The following TLL2 variants were observed in gnomAD, a reference collection of about 807,000 sequenced individuals.
The protein encoded by TLL2 is tolloid like 2, also known as tolloid-like protein 2.
TLL2 carries 106 observed loss-of-function variants against 123.0 expected under a neutral mutation model. That is an observed-to-expected ratio of 0.86 (90% CI 0.74 to 1.01). TLL2 has a LOEUF of 1.01. Among genes scored for constraint, TLL2 ranks in the 50% least tolerant of loss-of-function variants. TLL2 has a pLI of 0.00. For missense variants in TLL2, 1,332 were observed against 1,336.7 expected (o/e 1.00, Z 0.06); for synonymous variants, 494 against 516.8 (o/e 0.96, Z 0.60).
At chr10:96,385,994 G>A (rs1589408057) in intron 15 of TLL2, 61 bp downstream of exon 15, 2 of 1,443,256 alleles carry the variant, frequency 1.4e-6, no homozygotes. Context: ...CCCCTCACTG[G>A]TTTCCAGCTC....
At chr10:96,466,403 A>T (rs941186718) in intron 2 of TLL2, among the ~76,000 whole-genome samples, 10 of 152,358 alleles carry the variant, frequency 6.6e-5, no homozygotes, top group Admixed American at 5.2e-4. Flanking sequence ...AGACCTTGGT[A>T]TAAACAGCTC....
chr10:96,432,349 G>C (rs537191881), intron 4 of TLL2, among the ~76,000 whole-genome samples: 1 of 152,158 alleles, frequency 6.6e-6, no homozygotes, highest in African/African-American at 2.4e-5. Flanking sequence ...TTTGGACCCA[G>C]GGAGTCGAGC....
intron 1 of TLL2, among the ~76,000 whole-genome samples, chr10:96,499,330 C>T (rs768211979): frequency 5.9e-5 from 9 of 152,172 alleles, no homozygotes; most frequent in African/African-American, 1.9e-4. Flanking sequence ...AATTTCAGCC[C>T]GGGATGGGTG....
intron 1 of TLL2, among the ~76,000 whole-genome samples, chr10:96,495,300 T>C (rs1847460249): frequency 6.6e-6 from 1 of 152,144 alleles, no homozygotes; most frequent in Non-Finnish European, 1.5e-5. Flanking sequence ...ATGCATTTAG[T>C]TCATTGCAAG....
intron 3 of TLL2, among the ~76,000 whole-genome samples, chr10:96,441,809 G>A (rs1366028906): frequency 6.6e-6 from 1 of 152,140 alleles, no homozygotes; most frequent in Non-Finnish European, 1.5e-5. Flanking sequence ...AAGTTCGTGG[G>A]GCTCAGTTGT....
chr10:96,478,022 C>T (rs1272442983), intron 2 of TLL2, among the ~76,000 whole-genome samples: 1 of 152,218 alleles, frequency 6.6e-6, no homozygotes, highest in African/African-American at 2.4e-5. Flanking sequence ...GAAGACAGGC[C>T]TCCAAATTCT....
At chr10:96,463,023 A>G (rs749419256) in intron 2 of TLL2, among the ~76,000 whole-genome samples, 2 of 152,258 alleles carry the variant, frequency 1.3e-5, no homozygotes, top group African/African-American at 2.4e-5. Flanking sequence ...TGCTTTGCAC[A>G]TGTCTGTGAA....
intron 1 of TLL2, among the ~76,000 whole-genome samples, chr10:96,512,680 G>A (rs1219123263): frequency 6.6e-6 from 1 of 152,258 alleles, no homozygotes; most frequent in African/African-American, 2.4e-5. Context: ...GCACCCCTCT[G>A]TCCGTGCTGG....
chr10:96,513,597 G>T lies in TLL2; in HGVS notation c.89C>A (p.Pro30Gln). 6.2e-7 allele frequency: 1 copy of T among 1,605,794 alleles called. No homozygotes were observed. The highest frequency in any genetic ancestry group is 8.5e-7 in the Non-Finnish European group (1 of 1,178,988). The part of the protein sequence containing the change: ...PRGAGGLGER[P>Q]DATADYSELD... ...CTCTGAGTAGTCTGCGGTGGCGTCC[G>T]GGCGCTCCCCGAGTCCCCCGGCGCC... The change falls in exon 1 of 21, where the codon CCG becomes CAG. Residue 30 changes from proline (P) to glutamine (Q), a missense_variant. Coordinates refer to ENST00000357947, the MANE Select transcript of TLL2 (RefSeq NM_012465.4).
chr10:96,384,940 C>A (rs766194159), intron 15 of TLL2, among the ~76,000 whole-genome samples, 173 bp from the exon 16 acceptor site: 27 of 152,218 alleles, frequency 1.8e-4, no homozygotes, highest in Non-Finnish European at 3.4e-4. Context: ...CACAGGGGGA[C>A]CCCTGGCTCT....
Position 96,386,220 on chromosome 10 carries a change from A to C in TLL2, c.1853-5T>G. ...TAATGAAACCGCCACAGGCCACTGC[A>C]CGGGGGAAACAGAAACAGGATTCAT... On this transcript the variant is annotated splice_polypyrimidine_tract_variant and splice_region_variant and intron_variant, in intron 14 of 20. Coordinates refer to ENST00000357947, the MANE Select transcript of TLL2 (RefSeq NM_012465.4). 1 of 1,565,312 alleles carries C rather than the reference A, an allele frequency of 6.4e-7. No homozygotes were observed.
rs547031084 is a variant in TLL2 at position 96,474,115 on chromosome 10, T to C, written c.286+6234A>G. Among the ~76,000 whole-genome samples the C allele has an allele frequency of 1.1e-4, 16 of 152,286 alleles. No homozygotes were observed. The South Asian group carries it at 3.3e-3, about 32-fold the overall frequency. On this transcript the variant is annotated intron_variant, in intron 2 of 20. Coordinates refer to ENST00000357947, the MANE Select transcript of TLL2 (RefSeq NM_012465.4). Reference sequence around the variant, plus strand: ...CAAGGGCCCCATTCATAGAACAGCGTGGCCAATGCCTGCCCAGGACTCCCA... The same window carrying C: ...CAAGGGCCCCATTCATAGAACAGCGCGGCCAATGCCTGCCCAGGACTCCCA...
chr10:96,410,530 C>T, intron 8 of TLL2, 56 bp from the exon 9 acceptor site: 1 of 1,415,850 alleles, frequency 7.1e-7, no homozygotes, highest in Non-Finnish European at 1.0e-6. Flanking sequence ...CCCGCCCAAG[C>T]AGCTCCCGCA....
chr10:96,458,154 T>G (rs1427940674), intron 2 of TLL2, among the ~76,000 whole-genome samples: 1 of 151,914 alleles, frequency 6.6e-6, no homozygotes, highest in Admixed American at 6.6e-5. Context: ...AACCATGATG[T>G]TCTGAGGTGT....
chr10:96,433,163 A>G (rs879163310), intron 3 of TLL2, among the ~76,000 whole-genome samples: 1 of 152,110 alleles, frequency 6.6e-6, no homozygotes, highest in Admixed American at 6.5e-5. Context: ...GTACCGGGCT[A>G]TGATGGGAGT....
intron 10 of TLL2, among the ~76,000 whole-genome samples, chr10:96,400,277 G>C (rs1192717894): frequency 7.1e-6 from 1 of 141,154 alleles, no homozygotes; most frequent in African/African-American, 2.8e-5. Context: ...AAAGCTGTAA[G>C]TAAGAGCAGG....
At chr10:96,373,431 A>G (rs113169359) in intron 19 of TLL2, 165 bp downstream of exon 19, 93,593 of 667,038 alleles carry the variant, frequency 0.14, 7,101 homozygotes, top group South Asian at 0.23. Context: ...ATGAGCCACC[A>G]CGCCCAGCTT....
chr10:96,391,964 C>T (rs1846294157), intron 13 of TLL2, among the ~76,000 whole-genome samples: 1 of 152,164 alleles, frequency 6.6e-6, no homozygotes, highest in African/African-American at 2.4e-5. Flanking sequence ...GTAACCTGGG[C>T]CCCGTCGCAG....
chr10:96,388,158 C>T (rs566514262), intron 13 of TLL2, among the ~76,000 whole-genome samples: 14 of 152,174 alleles, frequency 9.2e-5, no homozygotes, highest in Non-Finnish European at 1.8e-4. Context: ...AATCACAGCA[C>T]TTTGGGAGGC....
Sources: allele counts gnomAD v4.1 joint callset (sites outside exome capture counted in the v4.1 genomes callset), GRCh38; gene constraint gnomAD v4.1.1; transcripts MANE v1.5; gene names NCBI Gene and HGNC (gene_info 2026-07-23, HGNC 2026-07-21).